NRXN3: variants seen among roughly 807,000 people sequenced by gnomAD.
The protein encoded by NRXN3 is neurexin III.
Under a neutral mutation model 137.6 loss-of-function variants are expected in NRXN3, and 32 were observed. That is an observed-to-expected ratio of 0.23 (90% CI 0.18 to 0.31). The LOEUF (loss-of-function observed/expected upper bound fraction) is 0.31. Ranked by LOEUF, NRXN3 falls within the 10% of genes least tolerant of loss-of-function variation. The pLI is 1.00. For missense variants in NRXN3, 1,574 were observed against 2,062.5 expected, an observed-to-expected ratio of 0.76 and a Z score of 4.59; for synonymous variants, 798 against 784.5, an observed-to-expected ratio of 1.02 and a Z score of -0.29.
chr14:79,598,677 A>C (rs78866221), intron 16 of NRXN3, among the ~76,000 whole-genome samples: 8,630 of 152,274 alleles, frequency 0.057, 253 homozygotes, highest in East Asian at 0.082. Flanking sequence ...ATTTCTTAGC[A>C]CCAGCAAGAC....
chr14:78,804,466 T>C (rs1302468914), intron 9 of NRXN3, among the ~76,000 whole-genome samples: 1 of 152,210 alleles, frequency 6.6e-6, no homozygotes, highest in East Asian at 1.9e-4. Flanking sequence ...ATACCCATTT[T>C]TCTTCTTGAC....
intron 15 of NRXN3, among the ~76,000 whole-genome samples, chr14:79,255,553 A>C (rs2076465189): frequency 6.6e-6 from 1 of 152,242 alleles, no homozygotes; most frequent in South Asian, 2.1e-4. Context: ...TAGCTACTGC[A>C]AGTTGTTGCA....
chr14:79,272,483 G>T (rs1030939583), intron 15 of NRXN3, among the ~76,000 whole-genome samples: 7 of 152,004 alleles, frequency 4.6e-5, no homozygotes, highest in African/African-American at 1.5e-4. Flanking sequence ...AAATCCAATA[G>T]AAATTCTTAA....
chr14:78,915,696 G>A (rs1012982294), intron 10 of NRXN3, among the ~76,000 whole-genome samples: 1 of 152,138 alleles, frequency 6.6e-6, no homozygotes, highest in African/African-American at 2.4e-5. Flanking sequence ...GATGGGGAGG[G>A]CCAGCATCTG....
intron 10 of NRXN3, among the ~76,000 whole-genome samples, chr14:78,864,688 C>A (rs912325604): frequency 2.6e-5 from 4 of 152,014 alleles, no homozygotes; most frequent in Non-Finnish European, 5.9e-5. Context: ...GACATTGGAG[C>A]CTTTGAAGGG....
chr14:78,205,359 G>T (rs1297261512), intron 1 of NRXN3, among the ~76,000 whole-genome samples: 2 of 152,232 alleles, frequency 1.3e-5, no homozygotes, highest in African/African-American at 4.8e-5. Context: ...CCAACCCAGA[G>T]TACCACTGGC....
Position 78,415,181 on chromosome 14 carries a change from T to G in NRXN3, c.757+117321T>G, listed in dbSNP as rs552959530. On this transcript the variant is annotated intron_variant, in intron 4 of 20. Transcript: ENST00000335750. The stretch of plus-strand genomic sequence containing the variant: ...TCCTCTCTATGCCTCAGTTTCCTAT[T>G]TGTTAAATGGGGATGATATTTAGCT... 2.0e-3 allele frequency among the ~76,000 whole-genome samples: 305 copies of G among 152,328 alleles called. 1 individual carries two copies. The highest frequency in any genetic ancestry group is 8.3e-3 in the South Asian group (40 of 4,824).
At chr14:78,236,369 T>G (rs2066301733) in intron 1 of NRXN3, among the ~76,000 whole-genome samples, 1 of 152,212 alleles carries the variant, frequency 6.6e-6, no homozygotes, top group African/African-American at 2.4e-5. Context: ...TTGCTCAATA[T>G]TATGTATGTG....
intron 15 of NRXN3, among the ~76,000 whole-genome samples, chr14:79,450,865 C>CA (rs778114303): frequency 0.013 from 1,517 of 118,416 alleles, 6 homozygotes; most frequent in Non-Finnish European, 0.017. Context: ...GACTCTGTCT[C>CA]AAAAAAAAAA....
intron 4 of NRXN3, among the ~76,000 whole-genome samples, chr14:78,546,228 A>G (rs959047345): frequency 1.3e-5 from 2 of 152,192 alleles, no homozygotes; most frequent in Non-Finnish European, 1.5e-5. Flanking sequence ...TAGTGATACG[A>G]ATTATTGCTT....
intron 20 of NRXN3, among the ~76,000 whole-genome samples, chr14:79,846,569 A>G (rs2099373909): frequency 6.6e-6 from 1 of 152,184 alleles, no homozygotes; most frequent in Non-Finnish European, 1.5e-5. Flanking sequence ...AAAAATTGGT[A>G]AGATAGTAGA....
intron 6 of NRXN3, among the ~76,000 whole-genome samples, chr14:78,674,675 C>T (rs1301429568): frequency 6.6e-6 from 1 of 152,094 alleles, no homozygotes; most frequent in Non-Finnish European, 1.5e-5. Flanking sequence ...GTAAAAACAT[C>T]CCAGTATTTA....
intron 5 of NRXN3, among the ~76,000 whole-genome samples, chr14:78,646,053 A>G (rs558160999): frequency 1.3e-5 from 2 of 151,618 alleles, no homozygotes; most frequent in Non-Finnish European, 2.9e-5. Flanking sequence ...TCCCTCCGAG[A>G]CTCTTCAGTT....
At chr14:78,624,829 G>GTTTGTTTGTT (rs142137582) in intron 4 of NRXN3, among the ~76,000 whole-genome samples, 1 of 146,992 alleles carries the variant, frequency 6.8e-6, no homozygotes, top group Non-Finnish European at 1.5e-5. Flanking sequence ...GTGTGTGTGT[G>GTTTGTTTGTT]TGTTTGTTTG....
chr14:79,532,316 A>T, intron 16 of NRXN3, among the ~76,000 whole-genome samples: 1 of 152,318 alleles, frequency 6.6e-6, no homozygotes, highest in South Asian at 2.1e-4. Context: ...TTCATATATA[A>T]ATAGATAATT....
intron 10 of NRXN3, among the ~76,000 whole-genome samples, chr14:78,942,884 T>C (rs1023839409): frequency 1.3e-5 from 2 of 151,906 alleles, no homozygotes; most frequent in African/African-American, 4.8e-5. Context: ...TGTAAAAATG[T>C]ACAATTATTT....
chr14:78,214,173 C>T (rs2063026023), intron 1 of NRXN3, among the ~76,000 whole-genome samples: 1 of 152,246 alleles, frequency 6.6e-6, no homozygotes, highest in Non-Finnish European at 1.5e-5. Flanking sequence ...ATGCTTTCCT[C>T]CCTGTCCCTG....
intron 15 of NRXN3, among the ~76,000 whole-genome samples, chr14:79,049,072 AAAT>A (rs750758304): frequency 0.28 from 11,789 of 42,324 alleles, 3,243 homozygotes; most frequent in East Asian, 0.36. Flanking sequence ...AAAAAAAAAA[AAAT>A]AATAATAATA....
intron 19 of NRXN3, among the ~76,000 whole-genome samples, chr14:79,718,540 G>A (rs2098831462): frequency 6.6e-6 from 1 of 152,186 alleles, no homozygotes; most frequent in Admixed American, 6.5e-5. Context: ...GAGGCAGAGA[G>A]ACCTAATACA....
Sources: allele counts gnomAD v4.1 joint callset (sites outside exome capture counted in the v4.1 genomes callset), GRCh38; gene constraint gnomAD v4.1.1; transcripts MANE v1.5; gene names NCBI Gene and HGNC (gene_info 2026-07-23, HGNC 2026-07-21).